THADA: variants seen among roughly 807,000 people sequenced by gnomAD.
THADA encodes the protein THADA armadillo repeat containing.
In THADA, 213 loss-of-function variants were observed where a neutral mutation model predicts 219.8. The ratio of observed to expected loss-of-function variants is 0.97; its 90% CI spans 0.87 to 1.09. The LOEUF is 1.09. Among genes scored for constraint, THADA ranks in the 50% least tolerant of loss-of-function variants. The pLI is 0.00. For synonymous variants in THADA, 1,018 were observed against 828.9 expected (o/e 1.23, Z -3.92); for missense variants, 2,956 against 2,311.3 (o/e 1.28, Z -5.72).
chr2:43,346,212 A>G (rs1558616909), intron 29 of THADA, among the ~76,000 whole-genome samples: 1 of 152,200 alleles, frequency 6.6e-6, no homozygotes. Flanking sequence ...AAAGTTTTAT[A>G]AGCAATTGTA....
chr2:43,531,019 G>A (rs1291190945), intron 21 of THADA, among the ~76,000 whole-genome samples: 1 of 152,164 alleles, frequency 6.6e-6, no homozygotes, highest in African/African-American at 2.4e-5. Flanking sequence ...TAAAATTCCT[G>A]TTAGATAACA....
intron 26 of THADA, among the ~76,000 whole-genome samples, chr2:43,481,294 C>T (rs1034168098): frequency 6.6e-6 from 1 of 152,192 alleles, no homozygotes; most frequent in East Asian, 1.9e-4. Context: ...AACATAGTCA[C>T]TAGAAACAAT....
chr2:43,328,791 G>A (rs114110541), intron 30 of THADA, among the ~76,000 whole-genome samples: 2,678 of 152,278 alleles, frequency 0.018, 48 homozygotes, highest in Non-Finnish European at 0.023. Flanking sequence ...TTAGGTTAGG[G>A]CCAAAGCCAC....
intron 30 of THADA, 77 bp downstream of exon 30, chr2:43,344,045 C>A: frequency 9.4e-7 from 1 of 1,067,874 alleles, no homozygotes; most frequent in Non-Finnish European, 1.4e-6. Context: ...TTAAAACTCC[C>A]CACAACTAGA....
At chr2:43,328,003 T>C (rs1679531446) in intron 30 of THADA, among the ~76,000 whole-genome samples, 1 of 152,180 alleles carries the variant, frequency 6.6e-6, no homozygotes, top group African/African-American at 2.4e-5. Flanking sequence ...GGCTATATCC[T>C]GTGGATAGGA....
intron 22 of THADA, among the ~76,000 whole-genome samples, chr2:43,511,975 A>C (rs939897103): frequency 6.6e-5 from 10 of 152,184 alleles, no homozygotes; most frequent in African/African-American, 2.4e-4. Context: ...CAATTCCCTA[A>C]TTTAAACACT....
intron 34 of THADA, among the ~76,000 whole-genome samples, chr2:43,290,283 T>TC (rs1463238120): frequency 6.6e-6 from 1 of 151,860 alleles, no homozygotes; most frequent in Non-Finnish European, 1.5e-5. Context: ...TTTTTTTTTT[T>TC]CCCCTTCCTG....
chr2:43,402,115 G>A (rs1674923444), intron 28 of THADA, among the ~76,000 whole-genome samples: 1 of 152,120 alleles, frequency 6.6e-6, no homozygotes, highest in Admixed American at 6.5e-5. Context: ...CCAGACCCAG[G>A]TGGAGAACCT....
intron 26 of THADA, among the ~76,000 whole-genome samples, chr2:43,483,537 T>C (rs1342572432): frequency 2.0e-5 from 3 of 152,168 alleles, no homozygotes; most frequent in African/African-American, 7.2e-5. Context: ...TCTTCACAGT[T>C]AAAAACTTCT....
chr2:43,291,894 CA>C (rs1674774544), intron 33 of THADA, 126 bp from the exon 34 acceptor site: 6 of 899,288 alleles, frequency 6.7e-6, no homozygotes, highest in Middle Eastern at 2.4e-4. Flanking sequence ...CTCCTGGTTA[CA>C]AAAATGCCTC....
At chr2:43,481,065 T>A (rs1272978441) in intron 26 of THADA, among the ~76,000 whole-genome samples, 1 of 152,210 alleles carries the variant, frequency 6.6e-6, no homozygotes, top group East Asian at 1.9e-4. Flanking sequence ...CAGAAACTTG[T>A]GGAATCTCTT....
intron 35 of THADA, among the ~76,000 whole-genome samples, chr2:43,282,846 G>A (rs1389762839): frequency 6.6e-6 from 1 of 152,144 alleles, no homozygotes; most frequent in African/African-American, 2.4e-5. Context: ...CTTGACACAC[G>A]GAGTAGCAGT....
chr2:43,247,468 G>A (rs1333535828), intron 36 of THADA, among the ~76,000 whole-genome samples: 2 of 152,148 alleles, frequency 1.3e-5, no homozygotes, highest in Non-Finnish European at 2.9e-5. Context: ...ACGGCCGGGT[G>A]AGGTGGCTCA....
At chr2:43,542,967 T>A (rs896229485) in intron 20 of THADA, among the ~76,000 whole-genome samples, 9 of 151,492 alleles carry the variant, frequency 5.9e-5, no homozygotes, top group African/African-American at 2.2e-4. Context: ...GCTGCACCCA[T>A]TAACTACTCA....
intron 29 of THADA, among the ~76,000 whole-genome samples, chr2:43,386,858 A>C (rs1413278392): frequency 6.7e-6 from 1 of 149,610 alleles, no homozygotes; most frequent in Non-Finnish European, 1.5e-5. Flanking sequence ...AGAGCATGCC[A>C]CTGCACTCTC....
intron 20 of THADA, among the ~76,000 whole-genome samples, chr2:43,544,692 A>G (rs1423813592): frequency 4.6e-5 from 7 of 151,196 alleles, no homozygotes; most frequent in Admixed American, 2.0e-4. Flanking sequence ...TTATTGGTGT[A>G]TAAGAATGCT....
chr2:43,399,116 TGAGAG>T (rs1369562709), intron 28 of THADA, among the ~76,000 whole-genome samples: 6 of 152,144 alleles, frequency 3.9e-5, no homozygotes, highest in African/African-American at 1.4e-4. Context: ...GGAGATTGAT[TGAGAG>T]GAAAGTCCAA....
At chr2:43,566,529 T>C (rs771503864) in intron 15 of THADA, 169 bp downstream of exon 15, 1 of 796,114 alleles carries the variant, frequency 1.3e-6, no homozygotes. Flanking sequence ...TTTCTTCCTC[T>C]TCTGTCCTTT....
intron 26 of THADA, among the ~76,000 whole-genome samples, chr2:43,473,861 G>A (rs1008492752): frequency 2.0e-5 from 3 of 152,066 alleles, no homozygotes; most frequent in African/African-American, 4.8e-5. Context: ...CATCTGCCTC[G>A]GCCTCCCAGA....
Sources: allele counts gnomAD v4.1 joint callset (sites outside exome capture counted in the v4.1 genomes callset), GRCh38; gene constraint gnomAD v4.1.1; transcripts MANE v1.5; gene names NCBI Gene and HGNC (gene_info 2026-07-23, HGNC 2026-07-21).